The following TMPRSS15 variants were observed in gnomAD, a reference collection of about 807,000 sequenced individuals.
TMPRSS15 encodes the protein enteropeptidase.
A neutral mutation model predicts 125.3 loss-of-function variants in TMPRSS15; 128 were observed. The ratio of observed to expected loss-of-function variants is 1.02; its 90% CI spans 0.89 to 1.18. The LOEUF is 1.18. Ranked by LOEUF, TMPRSS15 falls within the 50% of genes most tolerant of loss-of-function variation. The probability of loss-of-function intolerance (pLI) is 0.00; values close to 1 mark genes in which losing one functional copy is unlikely to be tolerated. For synonymous variants in TMPRSS15, 446 were observed against 423.2 expected (o/e 1.05, Z -0.66); for missense variants, 1,283 against 1,212.7 (o/e 1.06, Z -0.86).
intron 1 of TMPRSS15, among the ~76,000 whole-genome samples, chr21:18,420,502 T>C (rs117119795): frequency 0.011 from 1,725 of 152,352 alleles, 18 homozygotes; most frequent in Non-Finnish European, 0.016. Context: ...TAGCCATACC[T>C]TGGATTTAGT....
intron 13 of TMPRSS15, among the ~76,000 whole-genome samples, chr21:18,333,592 C>CA (rs2146971526): frequency 6.6e-6 from 1 of 151,996 alleles, no homozygotes; most frequent in East Asian, 1.9e-4. Flanking sequence ...GGAAGCTTCA[C>CA]TATTCTGCAC....
intron 1 of TMPRSS15, among the ~76,000 whole-genome samples, chr21:18,449,091 C>G (rs924183362): frequency 1.3e-5 from 2 of 152,070 alleles, no homozygotes; most frequent in African/African-American, 4.8e-5. Flanking sequence ...AGGCCATACC[C>G]AAGAAAAGCT....
intron 1 of TMPRSS15, among the ~76,000 whole-genome samples, chr21:18,410,694 T>C (rs564528982): frequency 1.6e-4 from 25 of 152,286 alleles, no homozygotes; most frequent in Admixed American, 1.2e-3. Flanking sequence ...TTTGTTTTCC[T>C]GTTGATGAGT....
chr21:18,342,903 T>G (rs996568817), intron 12 of TMPRSS15, among the ~76,000 whole-genome samples: 2 of 152,190 alleles, frequency 1.3e-5, no homozygotes, highest in African/African-American at 4.8e-5. Context: ...CATTATTAAT[T>G]TGGTCAAACT....
chr21:18,379,230 G>C (rs1601414061), intron 5 of TMPRSS15, 53 bp downstream of exon 5: 1 of 902,368 alleles, frequency 1.1e-6, no homozygotes, highest in South Asian at 3.4e-5. Flanking sequence ...AAAATAAAAT[G>C]TATAAGAGAA....
At position 18,269,988 on chromosome 21, in the gene TMPRSS15, A is replaced by C; in HGVS notation, c.3041T>G (p.Ile1014Arg). 1 of 1,613,918 alleles carries C rather than the reference A, an allele frequency of 6.2e-7. No homozygotes were observed. Among genetic ancestry groups the C allele is most frequent in the Admixed American group, 1.7e-5 (1 of 60,002 alleles). ...YARVSRFTEW[I>R]QSFLH ...AATGCGCTAATGTAGAAAACTTTGT[A>C]TCCATTCGGTAAACCTTGAGACCCT... The change falls in exon 25 of 25, where the codon ATA (isoleucine) becomes AGA (arginine). Residue 1014 changes from isoleucine (I) to arginine (R), a missense_variant. Ile to Arg is a moderately conservative substitution (Grantham distance 97, BLOSUM62 -3). Transcript: ENST00000284885.
At chr21:18,389,088 A>G (rs1380539273) in intron 3 of TMPRSS15, among the ~76,000 whole-genome samples, 2 of 151,728 alleles carry the variant, frequency 1.3e-5, no homozygotes, top group Non-Finnish European at 2.9e-5. Context: ...AGACAAGAGA[A>G]AGAAAGAAAG....
chr21:18,355,489 C>G (rs1328527824), intron 8 of TMPRSS15, among the ~76,000 whole-genome samples: 1 of 151,808 alleles, frequency 6.6e-6, no homozygotes, highest in Non-Finnish European at 1.5e-5. Context: ...ACAAAACTTT[C>G]ATAAGATAGT....
intron 1 of TMPRSS15, among the ~76,000 whole-genome samples, chr21:18,411,961 C>T (rs961955166): frequency 2.6e-5 from 4 of 152,242 alleles, no homozygotes; most frequent in East Asian, 1.9e-4. Flanking sequence ...GCTTTTTCCT[C>T]GTAGGGGTTA....
intron 1 of TMPRSS15, among the ~76,000 whole-genome samples, chr21:18,398,566 T>TTTCTTTGAAGTCTAACCCACAC (rs1296462990): frequency 2.0e-5 from 3 of 152,124 alleles, no homozygotes; most frequent in Non-Finnish European, 4.4e-5. Context: ...TTTTTTTTCT[T>TTTCTTTGAAGTCTAACCCACAC]TTCTTTGAAG....
intron 24 of TMPRSS15, among the ~76,000 whole-genome samples, chr21:18,274,987 G>A (rs2074602567): frequency 6.6e-6 from 1 of 152,148 alleles, no homozygotes; most frequent in African/African-American, 2.4e-5. Context: ...CAAAAGCATC[G>A]ATTTGTAACC....
intron 18 of TMPRSS15, among the ~76,000 whole-genome samples, chr21:18,311,450 A>G (rs2075100455): frequency 6.6e-6 from 1 of 152,224 alleles, no homozygotes; most frequent in Non-Finnish European, 1.5e-5. Flanking sequence ...ACATTTCTCA[A>G]AAAAAGACAT....
chr21:18,320,274 C>T (rs918240505), intron 16 of TMPRSS15, among the ~76,000 whole-genome samples: 1 of 151,946 alleles, frequency 6.6e-6, no homozygotes, highest in Non-Finnish European at 1.5e-5. Flanking sequence ...AAAAAGTTGA[C>T]AGCATGAATT....
chr21:18,397,789 C>T, intron 3 of TMPRSS15, 90 bp downstream of exon 3: 1 of 676,100 alleles, frequency 1.5e-6, no homozygotes, highest in Non-Finnish European at 2.4e-6. Context: ...AAATATTCCT[C>T]TTTTCCTATA....
intron 1 of TMPRSS15, among the ~76,000 whole-genome samples, chr21:18,412,098 C>T (rs1252788065): frequency 6.6e-6 from 1 of 152,148 alleles, no homozygotes; most frequent in Non-Finnish European, 1.5e-5. Flanking sequence ...AGAATCCTAA[C>T]CAATTCACAA....
At chr21:18,288,832 G>A (rs1317631101) in intron 21 of TMPRSS15, among the ~76,000 whole-genome samples, 2 of 150,740 alleles carry the variant, frequency 1.3e-5, no homozygotes, top group Admixed American at 6.6e-5. Flanking sequence ...CACCACACCC[G>A]GCCGCTCTTC....
intron 1 of TMPRSS15, among the ~76,000 whole-genome samples, chr21:18,453,079 T>G (rs1022679645): frequency 6.6e-6 from 1 of 152,230 alleles, no homozygotes; most frequent in African/African-American, 2.4e-5. Flanking sequence ...TTATATCTTT[T>G]GAACAACTGC....
chr21:18,416,329 G>T (rs1335810925), intron 1 of TMPRSS15, among the ~76,000 whole-genome samples: 1 of 152,018 alleles, frequency 6.6e-6, no homozygotes, highest in African/African-American at 2.4e-5. Flanking sequence ...AAGACCCAGA[G>T]TAGCCGAAGA....
chr21:18,270,099 C>A lies in TMPRSS15; in HGVS notation c.2930G>T (p.Cys977Phe). The A allele has an allele frequency of 6.2e-7, 1 of 1,613,808 alleles. No individual in the cohort carries two copies. The highest frequency in any genetic ancestry group is 1.3e-5 in the African/African-American group (1 of 74,956). Residue 977 changes from cysteine (C) to phenylalanine (F), a missense_variant, in exon 25 of 25, where the codon TGC becomes TTC. Physicochemically the swap from Cys to Phe is radical, Grantham distance 205. Coordinates refer to ENST00000284885, the MANE Select transcript of TMPRSS15 (RefSeq NM_002772.3). The stretch of plus-strand genomic sequence containing the variant: ...AAGGAACCACCTGTTGTTTTCTTGG[C>A]ACATTAATGGTCCTCCTGAATCCCC... ...CQGDSGGPLM[C>F]QENNRWFLAG...
Sources: gnomAD v4.1 joint callset for allele counts (sites outside exome capture counted in the v4.1 genomes callset) on GRCh38, gnomAD v4.1.1 for gene constraint, MANE v1.5 for transcripts, NCBI Gene and HGNC (gene_info 2026-07-23, HGNC 2026-07-21) for gene names.